The following CFAP299 variants were observed in gnomAD, a reference collection of about 807,000 sequenced individuals.
CFAP299 encodes cilia- and flagella-associated protein 299.
A neutral mutation model predicts 27.0 loss-of-function variants in CFAP299; 21 were observed. The ratio of observed to expected loss-of-function variants is 0.78; its 90% CI spans 0.55 to 1.12. The LOEUF (loss-of-function observed/expected upper bound fraction) is 1.12, where lower values mean the gene tolerates loss of function less well. Among genes scored for constraint, CFAP299 ranks in the 50% most tolerant of loss-of-function variants. The pLI is 0.00. For missense variants in CFAP299, 310 were observed against 276.6 expected (o/e 1.12, Z -0.86); for synonymous variants, 104 against 98.1 (o/e 1.06, Z -0.36).
chr4:80,710,271 G>A (rs17004982), intron 3 of CFAP299, among the ~76,000 whole-genome samples: 11,243 of 152,074 alleles, frequency 0.074, 607 homozygotes, highest in East Asian at 0.23. Context: ...CTTGGTCCAA[G>A]GAAAGCAACA....
At chr4:80,878,462 G>A (rs1004265679) in intron 4 of CFAP299, among the ~76,000 whole-genome samples, 1 of 152,024 alleles carries the variant, frequency 6.6e-6, no homozygotes, top group Non-Finnish European at 1.5e-5. Context: ...CTAATGTCAA[G>A]TTGTCTCATT....
chr4:80,871,016 C>T (rs891076315), intron 4 of CFAP299: 3 of 518,512 alleles, frequency 5.8e-6, no homozygotes, highest in Admixed American at 6.4e-5. Flanking sequence ...AAGCAATTCT[C>T]TTGTCTCAGC....
chr4:80,399,953 A>G (rs1726050209), intron 2 of CFAP299, among the ~76,000 whole-genome samples: 1 of 152,212 alleles, frequency 6.6e-6, no homozygotes, highest in Non-Finnish European at 1.5e-5. Flanking sequence ...GGTTAAAAGA[A>G]TATATATTAC....
intron 3 of CFAP299, among the ~76,000 whole-genome samples, chr4:80,773,377 A>T (rs1207889313): frequency 6.6e-6 from 1 of 152,034 alleles, no homozygotes; most frequent in Non-Finnish European, 1.5e-5. Flanking sequence ...ATCTCTACTA[A>T]AGTTTCTTGA....
At chr4:80,624,448 G>GA (rs898832430) in intron 3 of CFAP299, among the ~76,000 whole-genome samples, 1 of 150,920 alleles carries the variant, frequency 6.6e-6, no homozygotes, top group South Asian at 2.1e-4. Context: ...ATACAGAGGA[G>GA]AAAAAAAGAA....
chr4:80,678,861 C>T (rs1560693719), intron 3 of CFAP299, among the ~76,000 whole-genome samples: 1 of 152,044 alleles, frequency 6.6e-6, no homozygotes, highest in African/African-American at 2.4e-5. Flanking sequence ...TATAAATGTA[C>T]TCCAATATTA....
chr4:80,943,451 G>A (rs1270701313), intron 4 of CFAP299, among the ~76,000 whole-genome samples: 1 of 152,046 alleles, frequency 6.6e-6, no homozygotes, highest in Non-Finnish European at 1.5e-5. Flanking sequence ...AAAAAAGAAA[G>A]GGAGTAATAG....
At chr4:80,496,603 C>T (rs1356502259) in intron 2 of CFAP299, among the ~76,000 whole-genome samples, 1 of 152,226 alleles carries the variant, frequency 6.6e-6, no homozygotes, top group African/African-American at 2.4e-5. Context: ...GGCACTCTTC[C>T]AACCTCTGCC....
chr4:80,342,230 G>A (rs2109970719), intron 1 of CFAP299, among the ~76,000 whole-genome samples: 1 of 152,304 alleles, frequency 6.6e-6, no homozygotes, highest in South Asian at 2.1e-4. Flanking sequence ...ACCGAACCAA[G>A]TTTGAAAACA....
rs371647248 is a variant in CFAP299, at chr4:80,642,689, G to A, written c.333+59506G>A. ...TGAGGCAGGAGAATCACTTGAACCC[G>A]GGAGGCAAAGGTTGCAGTGAACCGA... On this transcript the variant is annotated intron_variant, in intron 3 of 5. Coordinates refer to ENST00000358105, the MANE Select transcript of CFAP299 (RefSeq NM_152770.3). Among the ~76,000 whole-genome samples, 14 of 151,370 alleles carry A rather than the reference G, an allele frequency of 9.2e-5. No homozygotes were observed. In the South Asian group the frequency reaches 1.7e-3, roughly 18 times the overall value.
At chr4:80,511,435 A>G (rs759076566) in intron 2 of CFAP299, among the ~76,000 whole-genome samples, 7 of 152,186 alleles carry the variant, frequency 4.6e-5, no homozygotes, top group African/African-American at 7.2e-5. Flanking sequence ...AAATCACTAC[A>G]TACTTTAATT....
intron 4 of CFAP299, among the ~76,000 whole-genome samples, chr4:80,918,282 G>A (rs919432744): frequency 6.0e-4 from 92 of 152,264 alleles, no homozygotes; most frequent in African/African-American, 2.2e-3. Flanking sequence ...ATCTGATTAT[G>A]AGATAAACTT....
At chr4:80,500,127 C>T (rs1731670197) in intron 2 of CFAP299, among the ~76,000 whole-genome samples, 1 of 152,038 alleles carries the variant, frequency 6.6e-6, no homozygotes. Context: ...GTGAAATTGC[C>T]CTGACTGGCA....
chr4:80,927,897 C>T (rs750097138), intron 4 of CFAP299, among the ~76,000 whole-genome samples: 1 of 152,142 alleles, frequency 6.6e-6, no homozygotes, highest in Non-Finnish European at 1.5e-5. Flanking sequence ...AAGCACATAA[C>T]ATACTTGTGA....
chr4:80,709,556 G>T (rs1451365005), intron 3 of CFAP299, among the ~76,000 whole-genome samples: 1 of 152,140 alleles, frequency 6.6e-6, no homozygotes, highest in Non-Finnish European at 1.5e-5. Flanking sequence ...TAGGAGTTCA[G>T]ATGCTGGACA....
rs1004535484 is a variant in CFAP299, at chr4:80,378,379, C to A, written c.242+15495C>A. ...AATTAAACCTTTTATTTCTCTATAT[C>A]TAATTTGTATGCTTTTATTATTATT... On this transcript the variant is annotated intron_variant, in intron 2 of 5. Coordinates refer to ENST00000358105, the MANE Select transcript of CFAP299 (RefSeq NM_152770.3). 5.3e-5 allele frequency among the ~76,000 whole-genome samples: 8 copies of A among 151,804 alleles called. No homozygotes were observed. The South Asian group carries it at 1.7e-3, about 32-fold the overall frequency.
chr4:80,859,030 A>T (rs147904947), intron 3 of CFAP299, among the ~76,000 whole-genome samples: 1,776 of 152,150 alleles, frequency 0.012, 35 homozygotes, highest in African/African-American at 0.04. Flanking sequence ...TTCAATTATT[A>T]ATGTGTGGGA....
At chr4:80,683,252 C>A (rs1478744887) in intron 3 of CFAP299, among the ~76,000 whole-genome samples, 1 of 152,074 alleles carries the variant, frequency 6.6e-6, no homozygotes, top group Non-Finnish European at 1.5e-5. Context: ...GAAGGCATCC[C>A]CATACGTTCT....
At chr4:80,497,917 A>G (rs1731542393) in intron 2 of CFAP299, among the ~76,000 whole-genome samples, 2 of 152,138 alleles carry the variant, frequency 1.3e-5, no homozygotes, top group South Asian at 4.1e-4. Flanking sequence ...AGACACATAG[A>G]CCAATGGAGC....
Sources: allele counts gnomAD v4.1 joint callset (sites outside exome capture counted in the v4.1 genomes callset), GRCh38; gene constraint gnomAD v4.1.1; transcripts MANE v1.5; gene names NCBI Gene and HGNC (gene_info 2026-07-23, HGNC 2026-07-21).